SDCCAG8: variants seen among roughly 807,000 people sequenced by gnomAD.
SDCCAG8 encodes the protein SHH signaling and ciliogenesis regulator SDCCAG8, also known as serologically defined colon cancer antigen 8.
In SDCCAG8, 74 loss-of-function variants were observed where a neutral mutation model predicts 101.8. The ratio of observed to expected loss-of-function variants is 0.73; its 90% CI spans 0.60 to 0.88. SDCCAG8 has a LOEUF of 0.88. Ranked by LOEUF, SDCCAG8 falls within the 40% of genes least tolerant of loss-of-function variation. The pLI, the probability that SDCCAG8 is intolerant of heterozygous loss-of-function variation, is 0.00. For missense variants in SDCCAG8, 787 were observed against 822.6 expected, an observed-to-expected ratio of 0.96 and a Z score of 0.53; for synonymous variants, 281 against 292.9, an observed-to-expected ratio of 0.96 and a Z score of 0.41.
At chr1:243,374,522 T>C (rs1048985952) in intron 12 of SDCCAG8, among the ~76,000 whole-genome samples, 3 of 152,038 alleles carry the variant, frequency 2.0e-5, no homozygotes, top group African/African-American at 7.2e-5. Flanking sequence ...ACTATTAGGA[T>C]CTAGAAGACA....
Position 243,319,868 on chromosome 1 carries a change from C to T in SDCCAG8, c.1068+2975C>T, listed in dbSNP as rs1038437637. Among the ~76,000 whole-genome samples the T allele has an allele frequency of 7.9e-5, 12 of 152,194 alleles. 1 individual carries two copies. The highest frequency in any genetic ancestry group is 2.2e-4 in the African/African-American group (9 of 41,446). On this transcript the variant is annotated intron_variant, in intron 9 of 17. Transcript: ENST00000366541. Reference sequence around the variant, plus strand: ...TGCCCCTAAGATCTCTCTGAAACCACACTCTCTGACTAGGGCCTTTGCTCT... The same window carrying T: ...TGCCCCTAAGATCTCTCTGAAACCATACTCTCTGACTAGGGCCTTTGCTCT...
At chr1:243,452,091 C>T (rs2083396801) in intron 16 of SDCCAG8, among the ~76,000 whole-genome samples, 1 of 152,308 alleles carries the variant, frequency 6.6e-6, no homozygotes, top group Non-Finnish European at 1.5e-5. Context: ...GTTACACCTG[C>T]GTGTGCATGC....
intron 9 of SDCCAG8, chr1:243,318,545 T>G (rs762914185): frequency 3.7e-5 from 36 of 985,228 alleles, no homozygotes; most frequent in Non-Finnish European, 4.3e-5. Context: ...AATTCTGCAT[T>G]AAGCCTCTTG....
chr1:243,404,512 CT>C (rs1171278563), intron 13 of SDCCAG8, among the ~76,000 whole-genome samples: 1 of 152,100 alleles, frequency 6.6e-6, no homozygotes, highest in African/African-American at 2.4e-5. Context: ...AAGAAAGTGA[CT>C]TAATTATTGT....
intron 13 of SDCCAG8, among the ~76,000 whole-genome samples, chr1:243,413,970 A>G (rs1167273667): frequency 6.6e-6 from 1 of 152,172 alleles, no homozygotes; most frequent in African/African-American, 2.4e-5. Flanking sequence ...CCTTTCCCCT[A>G]TGACAAGAGT....
chr1:243,278,879 C>T lies in SDCCAG8; in HGVS notation c.420+4223C>T, dbSNP rs182729147. Reference sequence around the variant, plus strand: ...CTCACTGTAGCCTTGACATCCTGGGCGCAAGTGATCCTCCTACCACAGCCT... The same window carrying T: ...CTCACTGTAGCCTTGACATCCTGGGTGCAAGTGATCCTCCTACCACAGCCT... On this transcript the variant is annotated intron_variant, in intron 4 of 17. Coordinates refer to ENST00000366541, the MANE Select transcript of SDCCAG8 (RefSeq NM_006642.5). Among the ~76,000 whole-genome samples, 185 of 152,024 alleles carry T rather than the reference C, an allele frequency of 1.2e-3. 2 individuals carry two copies. The highest frequency in any genetic ancestry group is 4.1e-3 in the African/African-American group (171 of 41,460).
chr1:243,299,601 A>G (rs1185234036), intron 6 of SDCCAG8, among the ~76,000 whole-genome samples: 1 of 152,040 alleles, frequency 6.6e-6, no homozygotes, highest in Non-Finnish European at 1.5e-5. Context: ...TTTAGTAGAG[A>G]CGGGGTTTCA....
intron 16 of SDCCAG8, among the ~76,000 whole-genome samples, chr1:243,436,834 A>T (rs1248688412): frequency 6.6e-6 from 1 of 152,246 alleles, no homozygotes; most frequent in African/African-American, 2.4e-5. Context: ...CACCCATGTT[A>T]GCATTGTACA....
intron 13 of SDCCAG8, among the ~76,000 whole-genome samples, chr1:243,395,341 A>G (rs2078973577): frequency 6.6e-6 from 1 of 152,218 alleles, no homozygotes; most frequent in Non-Finnish European, 1.5e-5. Context: ...ATTCAGAAGC[A>G]GGGATCCAGG....
chr1:243,300,520 G>A (rs1442772724), intron 6 of SDCCAG8, among the ~76,000 whole-genome samples: 6 of 152,144 alleles, frequency 3.9e-5, no homozygotes, highest in South Asian at 2.1e-4. Flanking sequence ...GGAAAGTGCA[G>A]GAGACATGTG....
rs575148920 is a variant in SDCCAG8, at chr1:243,302,682, C to G, written c.676-2031C>G. 1.6e-4 allele frequency among the ~76,000 whole-genome samples: 24 copies of G among 152,250 alleles called. No homozygotes were observed. In the South Asian group the frequency reaches 5.0e-3, roughly 32 times the overall value. On this transcript the variant is annotated intron_variant, in intron 6 of 17. Coordinates refer to ENST00000366541, the MANE Select transcript of SDCCAG8 (RefSeq NM_006642.5). Reference sequence around the variant, plus strand: ...TTTGATATTGTACAATGGCTCTGGCCACGCAGAACCCCATGAGTTCAACAC... The same window carrying G: ...TTTGATATTGTACAATGGCTCTGGCGACGCAGAACCCCATGAGTTCAACAC...
At chr1:243,400,051 G>A (rs776238829) in intron 13 of SDCCAG8, among the ~76,000 whole-genome samples, 4 of 152,190 alleles carry the variant, frequency 2.6e-5, no homozygotes, top group African/African-American at 4.8e-5. Context: ...TCCCGACTAC[G>A]ATTTTATCCA....
intron 12 of SDCCAG8, among the ~76,000 whole-genome samples, chr1:243,347,443 A>G (rs892288730): frequency 1.3e-5 from 2 of 152,124 alleles, no homozygotes; most frequent in Non-Finnish European, 1.5e-5. Flanking sequence ...TGTATGTCCA[A>G]TTTTCTGGTG....
At chr1:243,471,160 G>A (rs1661188631) in intron 16 of SDCCAG8, among the ~76,000 whole-genome samples, 1 of 152,090 alleles carries the variant, frequency 6.6e-6, no homozygotes, top group Admixed American at 6.5e-5. Context: ...AAGATGGTTG[G>A]AGCGTCTGGA....
At chr1:243,389,153 C>CG (rs945394301) in intron 13 of SDCCAG8, among the ~76,000 whole-genome samples, 1 of 149,506 alleles carries the variant, frequency 6.7e-6, no homozygotes, top group Non-Finnish European at 1.5e-5. Flanking sequence ...TCCCCCCTCC[C>CG]CCCCCCAAAA....
intron 12 of SDCCAG8, among the ~76,000 whole-genome samples, chr1:243,368,458 A>G (rs1445035511): frequency 4.6e-5 from 7 of 152,222 alleles, no homozygotes; most frequent in Non-Finnish European, 8.8e-5. Flanking sequence ...TGTGCAGTAG[A>G]ATAGATGCCA....
intron 17 of SDCCAG8, among the ~76,000 whole-genome samples, chr1:243,492,311 T>TTTC (rs1184850868): frequency 3.9e-5 from 5 of 129,192 alleles, no homozygotes; most frequent in Non-Finnish European, 6.6e-5. Flanking sequence ...TTTTTTTTTT[T>TTTC]TTTTTTTTGA....
At chr1:243,277,521 A>T (rs2068678899) in intron 4 of SDCCAG8, among the ~76,000 whole-genome samples, 1 of 152,220 alleles carries the variant, frequency 6.6e-6, no homozygotes, top group Non-Finnish European at 1.5e-5. Flanking sequence ...GAGTTTCAAC[A>T]ATTCTTTCTG....
chr1:243,421,647 A>G (rs1295608743), intron 15 of SDCCAG8, among the ~76,000 whole-genome samples: 1 of 152,164 alleles, frequency 6.6e-6, no homozygotes, highest in Non-Finnish European at 1.5e-5. Context: ...CTTAAAATGA[A>G]CTGCCGATTC....
Sources: allele counts gnomAD v4.1 joint callset (sites outside exome capture counted in the v4.1 genomes callset), GRCh38; gene constraint gnomAD v4.1.1; transcripts MANE v1.5; gene names NCBI Gene and HGNC (gene_info 2026-07-23, HGNC 2026-07-21).